UNC13C: variants seen among roughly 807,000 people sequenced by gnomAD.
The protein encoded by UNC13C is unc-13 homolog C, also known as protein unc-13 homolog C.
UNC13C carries 174 observed loss-of-function variants against 245.4 expected under a neutral mutation model. The ratio of observed to expected loss-of-function variants is 0.71; its 90% CI spans 0.63 to 0.80. The LOEUF (loss-of-function observed/expected upper bound fraction) is 0.80. Among genes scored for constraint, UNC13C ranks in the 30% least tolerant of loss-of-function variants. The probability of loss-of-function intolerance (pLI) is 0.00; values close to 1 mark genes in which losing one functional copy is unlikely to be tolerated. For synonymous variants in UNC13C, 992 were observed against 895.1 expected, an observed-to-expected ratio of 1.11 and a Z score of -1.93; for missense variants, 2,829 against 2,602.9, an observed-to-expected ratio of 1.09 and a Z score of -1.89.
In UNC13C at chr15:54,030,621, A is replaced by G. The variant is rs1282814224; in HGVS notation, c.2983+14735A>G. Among the ~76,000 whole-genome samples the G allele has an allele frequency of 3.9e-5, 6 of 152,244 alleles. No homozygotes were observed. In the East Asian group the frequency reaches 1.2e-3, roughly 29 times the overall value. On this transcript the variant is annotated intron_variant, in intron 2 of 32. Transcript: ENST00000260323. The stretch of plus-strand genomic sequence containing the variant: ...TACCCCCATCTTTGTTTGTATTGCT[A>G]TAACAAAATATCTGAGACAGGGTAA...
chr15:54,550,823 GA>G (rs1316031575), intron 28 of UNC13C, among the ~76,000 whole-genome samples: 1 of 152,090 alleles, frequency 6.6e-6, no homozygotes, highest in Non-Finnish European at 1.5e-5. Context: ...GGGATTTCTG[GA>G]GCCTACTTTG....
chr15:54,424,242 G>T (rs1052445567), intron 19 of UNC13C, among the ~76,000 whole-genome samples: 1 of 151,572 alleles, frequency 6.6e-6, no homozygotes, highest in African/African-American at 2.4e-5. Flanking sequence ...GTAATATTTC[G>T]GTAAAAAAAT....
chr15:54,507,462 C>A (rs1036761382), intron 23 of UNC13C, among the ~76,000 whole-genome samples: 2 of 152,150 alleles, frequency 1.3e-5, no homozygotes, highest in Non-Finnish European at 2.9e-5. Context: ...TGAAAATAAA[C>A]ATACTCATAA....
intron 4 of UNC13C, among the ~76,000 whole-genome samples, chr15:54,144,160 C>A (rs1414599592): frequency 6.6e-6 from 1 of 152,040 alleles, no homozygotes; most frequent in South Asian, 2.1e-4. Context: ...AAAATTTAAT[C>A]ACAAAAATAA....
At chr15:54,104,751 G>A (rs1284978292) in intron 2 of UNC13C, among the ~76,000 whole-genome samples, 1 of 151,666 alleles carries the variant, frequency 6.6e-6, no homozygotes, top group Non-Finnish European at 1.5e-5. Flanking sequence ...TCTGGGTTTT[G>A]ATTTTCCAGT....
rs189505364 is a variant in UNC13C at position 54,201,985 on chromosome 15, T to C, written c.3072-33045T>C. 2.6e-4 allele frequency among the ~76,000 whole-genome samples: 40 copies of C among 152,102 alleles called. No homozygotes were observed. In the East Asian group the frequency reaches 7.5e-3, roughly 29 times the overall value. On this transcript the variant is annotated intron_variant, in intron 4 of 32. Coordinates refer to ENST00000260323, the MANE Select transcript of UNC13C (RefSeq NM_001080534.3). The stretch of plus-strand genomic sequence containing the variant: ...GTGAAGTTTCAGGATATAAAATCAA[T>C]GTACACAAATTGGTAGCTCTGCTAT...
intron 2 of UNC13C, among the ~76,000 whole-genome samples, chr15:54,076,933 T>C (rs1418699768): frequency 6.6e-6 from 1 of 152,246 alleles, no homozygotes; most frequent in East Asian, 1.9e-4. Context: ...AATAGTGGTC[T>C]TTATGAATTG....
Position 54,500,885 on chromosome 15 carries a change from C to G in UNC13C, c.5208C>G (p.Val1736=), listed in dbSNP as rs747160613. 4 of 1,612,888 alleles carry G rather than the reference C, an allele frequency of 2.5e-6. No homozygotes were observed. Among genetic ancestry groups the G allele is most frequent in the Non-Finnish European group, 3.4e-6 (4 of 1,179,278 alleles). Residue 1736 remains valine (V), a synonymous_variant, in exon 22 of 33, where the codon GTC becomes GTG. Transcript: ENST00000260323. ...HALFSCSVVD[V]FAQLNQSFEI... ...TCTTTTCTTGCTCCGTGGTTGATGT[C>G]TTTGCTCAGCTGAATCAGAGCTTTG... is the stretch of plus-strand genomic sequence containing the variant.
chr15:54,170,978 G>A (rs960526478), intron 4 of UNC13C, among the ~76,000 whole-genome samples: 3 of 152,104 alleles, frequency 2.0e-5, no homozygotes, highest in African/African-American at 4.8e-5. Flanking sequence ...CAAAGTCCAC[G>A]TGTACAAAAA....
At chr15:54,613,437 G>C (rs140561271) in intron 30 of UNC13C, among the ~76,000 whole-genome samples, 1 of 151,938 alleles carries the variant, frequency 6.6e-6, no homozygotes, top group East Asian at 1.9e-4. Flanking sequence ...TTTAAAATAA[G>C]TGAATTACAA....
chr15:53,901,449 C>T, the UNC13C span, among the ~76,000 whole-genome samples: 1 of 151,630 alleles, frequency 6.6e-6, no homozygotes, highest in Non-Finnish European at 1.5e-5. Flanking sequence ...TGGTCTCGAT[C>T]TCCCGACCTC....
At chr15:54,029,990 C>T (rs559317478) in intron 2 of UNC13C, among the ~76,000 whole-genome samples, 12 of 152,272 alleles carry the variant, frequency 7.9e-5, no homozygotes, top group South Asian at 4.1e-4. Context: ...AGCTTTCTAC[C>T]CTTTGGGAGG....
At chr15:54,490,177 G>T (rs1893631082) in intron 19 of UNC13C, among the ~76,000 whole-genome samples, 1 of 152,130 alleles carries the variant, frequency 6.6e-6, no homozygotes, top group Admixed American at 6.5e-5. Context: ...AAAGAGGCTG[G>T]TAAAACCCTG....
At chr15:54,042,792 G>A (rs566094465) in intron 2 of UNC13C, among the ~76,000 whole-genome samples, 15 of 152,248 alleles carry the variant, frequency 9.9e-5, no homozygotes, top group Admixed American at 9.8e-4. Flanking sequence ...GGTGGAACTT[G>A]CAGTGAGCCG....
intron 2 of UNC13C, among the ~76,000 whole-genome samples, chr15:54,085,366 T>C (rs1899180558): frequency 6.6e-6 from 1 of 152,146 alleles, no homozygotes; most frequent in Admixed American, 6.5e-5. Context: ...TCCAGAGTCT[T>C]ACAAAGAAGG....
intron 4 of UNC13C, among the ~76,000 whole-genome samples, chr15:54,227,836 T>G (rs1477739226): frequency 6.6e-6 from 1 of 152,184 alleles, no homozygotes; most frequent in African/African-American, 2.4e-5. Flanking sequence ...GCCCAAGGCC[T>G]GTCAACCACT....
At chr15:54,422,373 C>T (rs1320451765) in intron 19 of UNC13C, among the ~76,000 whole-genome samples, 1 of 151,992 alleles carries the variant, frequency 6.6e-6, no homozygotes, top group African/African-American at 2.4e-5. Context: ...TCTTATGATC[C>T]ATTAGCTCAT....
the UNC13C span, among the ~76,000 whole-genome samples, chr15:53,877,767 C>T: frequency 2.0e-5 from 3 of 152,264 alleles, no homozygotes; most frequent in African/African-American, 7.2e-5. Flanking sequence ...GTAAACAATA[C>T]CTAATAAAGA....
intron 32 of UNC13C, among the ~76,000 whole-genome samples, chr15:54,626,331 A>C (rs1421989025): frequency 6.6e-6 from 1 of 152,120 alleles, no homozygotes; most frequent in Non-Finnish European, 1.5e-5. Flanking sequence ...CCAATTTAGC[A>C]TATTGTGAAT....
Sources: allele counts gnomAD v4.1 joint callset (sites outside exome capture counted in the v4.1 genomes callset), GRCh38; gene constraint gnomAD v4.1.1; transcripts MANE v1.5; gene names NCBI Gene and HGNC (gene_info 2026-07-23, HGNC 2026-07-21).